The following BRINP3 variants were observed in gnomAD, a reference collection of about 807,000 sequenced individuals.
The protein encoded by BRINP3 is BMP/retinoic acid-inducible neural-specific protein 3.
BRINP3 carries 19 observed loss-of-function variants against 71.0 expected under a neutral mutation model. That is an observed-to-expected ratio of 0.27 (90% confidence interval 0.19 to 0.39). BRINP3 has a LOEUF of 0.39. BRINP3 is among the 10% of genes least tolerant of loss of function. BRINP3 has a pLI of 1.00. For missense variants in BRINP3, 959 were observed against 940.8 expected (o/e 1.02, Z -0.25); for synonymous variants, 380 against 337.7 (o/e 1.13, Z -1.37).
At chr1:190,234,507 T>C (rs1182978577) in intron 4 of BRINP3, 30 bp from the exon 5 acceptor site, 1 of 1,514,586 alleles carries the variant, frequency 6.6e-7, no homozygotes, top group Non-Finnish European at 9.2e-7. Context: ...CTTTATTATC[T>C]AAATCAGACT....
At chr1:190,191,236 G>A (rs776605990) in intron 6 of BRINP3, among the ~76,000 whole-genome samples, 1 of 151,920 alleles carries the variant, frequency 6.6e-6, no homozygotes, top group Non-Finnish European at 1.5e-5. Context: ...CCATTTCCAG[G>A]TTTCATCCTA....
chr1:190,386,399 G>C (rs970784894), intron 2 of BRINP3, among the ~76,000 whole-genome samples: 5 of 151,226 alleles, frequency 3.3e-5, no homozygotes, highest in African/African-American at 7.3e-5. Flanking sequence ...GGGAATAAAG[G>C]AAATAAATAC....
intron 2 of BRINP3, among the ~76,000 whole-genome samples, chr1:190,307,698 C>T (rs1298368895): frequency 6.6e-6 from 1 of 151,562 alleles, no homozygotes; most frequent in Non-Finnish European, 1.5e-5. Flanking sequence ...CTGTTCACCA[C>T]CTCCCTCGAA....
At chr1:190,149,261 G>A (rs1656175890) in intron 7 of BRINP3, among the ~76,000 whole-genome samples, 1 of 152,192 alleles carries the variant, frequency 6.6e-6, no homozygotes, top group Non-Finnish European at 1.5e-5. Context: ...TTCATCAAGA[G>A]ATATTGGTGG....
rs1049872677 is a variant in BRINP3 at position 190,389,349 on chromosome 1, C to A, written c.236+65306G>T. Among the ~76,000 whole-genome samples, 3 of 151,536 alleles carry A rather than the reference C, an allele frequency of 2.0e-5. No homozygotes were observed. In the East Asian group the frequency reaches 5.8e-4, roughly 29 times the overall value. On this transcript the variant is annotated intron_variant, in intron 2 of 7. Transcript: ENST00000367462. ...TTGGATCAAATATCCAATTATATACCATGTGGCATGTGAATCTCAAGAAAA... is the reference window on the plus strand; with the variant it reads ...TTGGATCAAATATCCAATTATATACAATGTGGCATGTGAATCTCAAGAAAA...
intron 6 of BRINP3, among the ~76,000 whole-genome samples, chr1:190,205,069 G>T (rs553380004): frequency 1.3e-5 from 2 of 152,032 alleles, no homozygotes; most frequent in East Asian, 3.9e-4. Context: ...CAGTTGATAT[G>T]GTTCTCTTTT....
intron 2 of BRINP3, among the ~76,000 whole-genome samples, chr1:190,294,891 C>T (rs540961513): frequency 2.4e-4 from 36 of 151,910 alleles, no homozygotes; most frequent in Admixed American, 6.6e-4. Flanking sequence ...CACCAACCCT[C>T]CAACCTGAAC....
At chr1:190,255,236 C>A (rs1345983352) in intron 4 of BRINP3, among the ~76,000 whole-genome samples, 2 of 134,620 alleles carry the variant, frequency 1.5e-5, no homozygotes, top group African/African-American at 5.4e-5. Flanking sequence ...AAAATTCTCT[C>A]TTTTTTTTTT....
chr1:190,382,931 C>T (rs1462920652), intron 2 of BRINP3, among the ~76,000 whole-genome samples: 1 of 152,070 alleles, frequency 6.6e-6, no homozygotes, highest in African/African-American at 2.4e-5. Flanking sequence ...GTAGATCCAG[C>T]CCCATTCAAA....
intron 2 of BRINP3, among the ~76,000 whole-genome samples, chr1:190,411,465 A>G (rs888223484): frequency 6.6e-6 from 1 of 152,186 alleles, no homozygotes; most frequent in African/African-American, 2.4e-5. Flanking sequence ...GCCACAATGC[A>G]AACAGTGATT....
intron 2 of BRINP3, among the ~76,000 whole-genome samples, chr1:190,325,070 G>A (rs1223278201): frequency 6.6e-6 from 1 of 151,862 alleles, no homozygotes; most frequent in African/African-American, 2.4e-5. Flanking sequence ...CGGCAGCATA[G>A]TAGGACAAAT....
chr1:190,333,159 C>G (rs146934025), intron 2 of BRINP3, among the ~76,000 whole-genome samples: 97 of 151,950 alleles, frequency 6.4e-4, no homozygotes, highest in African/African-American at 2.2e-3. Context: ...TTTACAATTG[C>G]TAGGGTAGAT....
intron 6 of BRINP3, among the ~76,000 whole-genome samples, chr1:190,179,694 A>G (rs1652859046): frequency 6.6e-6 from 1 of 152,162 alleles, no homozygotes; most frequent in South Asian, 2.1e-4. Context: ...TTTGCATATA[A>G]AGTGAATAGT....
chr1:190,147,549 C>T (rs1655999071), intron 7 of BRINP3, among the ~76,000 whole-genome samples: 1 of 152,038 alleles, frequency 6.6e-6, no homozygotes, highest in African/African-American at 2.4e-5. Context: ...ATATTTTTTC[C>T]TCTCAAAACA....
chr1:190,120,720 G>A (rs1653573905), intron 7 of BRINP3, among the ~76,000 whole-genome samples: 2 of 151,510 alleles, frequency 1.3e-5, no homozygotes, highest in South Asian at 2.1e-4. Context: ...GGCCAGGCTG[G>A]TCTTGAACTC....
intron 7 of BRINP3, among the ~76,000 whole-genome samples, chr1:190,159,938 A>C (rs894114409): frequency 5.3e-5 from 8 of 152,104 alleles, no homozygotes; most frequent in Non-Finnish European, 1.0e-4. Context: ...TTCTCATCTT[A>C]ATGATTTAAG....
At chr1:190,282,949 A>G (rs1025467887) in intron 2 of BRINP3, among the ~76,000 whole-genome samples, 1 of 152,000 alleles carries the variant, frequency 6.6e-6, no homozygotes, top group African/African-American at 2.4e-5. Context: ...AAAAATAATA[A>G]TAAATTGCTT....
intron 2 of BRINP3, among the ~76,000 whole-genome samples, chr1:190,384,189 GGTTTT>G (rs2307508): frequency 0.36 from 54,657 of 150,120 alleles, 10,931 homozygotes; most frequent in Admixed American, 0.49. Flanking sequence ...TTTTTCTTCA[GGTTTT>G]ATTTTTGAGA....
chr1:190,230,730 C>T (rs968688051), intron 5 of BRINP3, among the ~76,000 whole-genome samples: 1 of 151,528 alleles, frequency 6.6e-6, no homozygotes, highest in Admixed American at 6.6e-5. Flanking sequence ...TTTCATACAT[C>T]TTCTCAAGTG....
Sources: gnomAD v4.1 joint callset for allele counts (sites outside exome capture counted in the v4.1 genomes callset) on GRCh38, gnomAD v4.1.1 for gene constraint, MANE v1.5 for transcripts, NCBI Gene and HGNC (gene_info 2026-07-23, HGNC 2026-07-21) for gene names.